CARM1: variants seen among roughly 807,000 people sequenced by gnomAD.
The protein encoded by CARM1 is histone-arginine methyltransferase CARM1.
Under a neutral mutation model 72.7 loss-of-function variants are expected in CARM1, and 14 were observed. The observed-to-expected ratio is 0.19, with a 90% CI of 0.13 to 0.30. CARM1 has a LOEUF of 0.30. CARM1 is among the 10% of genes least tolerant of loss of function. The pLI is 1.00. For synonymous variants in CARM1, 333 were observed against 345.5 expected, an observed-to-expected ratio of 0.96 and a Z score of 0.40; for missense variants, 432 against 833.7, an observed-to-expected ratio of 0.52 and a Z score of 5.93.
Position 10,920,675 on chromosome 19 carries a change from A to G in CARM1, c.1351A>G (p.Ser451Gly). ...IANKRQSYDI[S>G]IVAQVDQTGS... ...TGTCCGCAGACAGAGCTACGACATC[A>G]GTATTGTGGCCCAGGTGGACCAGAC... The change falls in exon 12 of 16, where the codon AGT (serine) becomes GGT (glycine). Residue 451 changes from serine (S) to glycine (G), a missense_variant. Ser to Gly is a moderately conservative substitution (Grantham distance 56). Transcript: ENST00000327064. The surrounding 1 kb of genome is among the most constrained non-coding windows in gnomAD (Gnocchi z 5.3). The G allele has an allele frequency of 6.2e-7, 1 of 1,614,124 alleles. No homozygotes were observed. The highest frequency in any genetic ancestry group is 8.5e-7 in the Non-Finnish European group (1 of 1,180,004).
chr19:10,912,151 A>G lies in CARM1; in HGVS notation c.559-33A>G, dbSNP rs372660262. The G allele has an allele frequency of 4.0e-5, 61 of 1,526,900 alleles. 2 individuals carry two copies. In the Middle Eastern group the frequency reaches 1.4e-3, roughly 34 times the overall value. 94.6% of individuals were successfully genotyped at this position (1,526,900 alleles called of 1,614,324 possible). ...CACCTCCCCATCACCGTCGCCTCCT[A>G]TGTCTCGCTCTCACCTCCCACTCCT... is the stretch of plus-strand genomic sequence containing the variant. On this transcript the variant is annotated intron_variant, in intron 4 of 15. Transcript: ENST00000327064. The surrounding 1 kb of genome is among the most constrained non-coding windows in gnomAD (Gnocchi z 4.5).
rs1480878121 is a variant in CARM1 at position 10,871,582 on chromosome 19, TAGCGGC to T, written c.-114_-109del. The T allele has an allele frequency of 4.0e-4, 35 of 88,376 alleles. No individual in the cohort carries two copies. The highest frequency in any genetic ancestry group is 2.3e-3 in the South Asian group (5 of 2,208). The allele number at this position is 88,376 out of a possible 1,614,324, so 5.5% of individuals were successfully genotyped here. On this transcript the variant is annotated 5_prime_UTR_variant, in exon 1 of 16. Transcript: ENST00000327064. This position sits in a 1 kb window ranked among gnomAD's most constrained non-coding sequence, Gnocchi z 5.6. Reference sequence around the variant, plus strand: ...GCCTGCACGGCGGCTGCGGCGGCGGTAGCGGCAGCGGCGGCGGCGGCGGCGGCGGCG... The same window carrying T: ...GCCTGCACGGCGGCTGCGGCGGCGGTAGCGGCGGCGGCGGCGGCGGCGGCG...
chr19:10,901,649 A>G (rs1045582713), intron 1 of CARM1, among the ~76,000 whole-genome samples: 5 of 151,852 alleles, frequency 3.3e-5, no homozygotes, highest in African/African-American at 4.8e-5. Context: ...TGTTGAGTTA[A>G]AAAAGTTCTT....
At chr19:10,906,079 A>G (rs998555176) in intron 2 of CARM1, among the ~76,000 whole-genome samples, 1 of 144,544 alleles carries the variant, frequency 6.9e-6, no homozygotes, top group Non-Finnish European at 1.5e-5. Flanking sequence ...CCTCCCGCGT[A>G]GCTGGGACTA....
At chr19:10,888,152 A>G (rs2073955197) in intron 1 of CARM1, among the ~76,000 whole-genome samples, 1 of 152,190 alleles carries the variant, frequency 6.6e-6, no homozygotes, top group South Asian at 2.1e-4. Context: ...AGCTCCTGCC[A>G]TGTGTCACAA....
At chr19:10,889,610 T>C (rs943482490) in intron 1 of CARM1, among the ~76,000 whole-genome samples, 15 of 151,736 alleles carry the variant, frequency 9.9e-5, no homozygotes, top group African/African-American at 3.6e-4. Flanking sequence ...ATTACAGGCG[T>C]GAGCTACCAT....
chr19:10,890,443 T>G (rs2073975187), intron 1 of CARM1, among the ~76,000 whole-genome samples: 1 of 151,586 alleles, frequency 6.6e-6, no homozygotes, highest in Admixed American at 6.6e-5. Context: ...AATTTTTGTA[T>G]TTTTAGTAGA....
At chr19:10,904,909 G>C (rs756635319) in intron 1 of CARM1, 42 bp from the exon 2 acceptor site, 1 of 1,598,632 alleles carries the variant, frequency 6.3e-7, no homozygotes, top group East Asian at 2.3e-5. Flanking sequence ...GAAGGCAGCT[G>C]ACAGGGCTGC....
At chr19:10,881,072 G>A (rs956051295) in intron 1 of CARM1, among the ~76,000 whole-genome samples, 5 of 152,140 alleles carry the variant, frequency 3.3e-5, no homozygotes, top group African/African-American at 7.2e-5. Flanking sequence ...AGGCTGAGGC[G>A]GGAGGATTGC....
At position 10,920,821 on chromosome 19, in the gene CARM1, G is replaced by A. The variant is rs1312280124; in HGVS notation, c.1425-13G>A. ...CCCCCTTGCCCCTGCCCATGGCTCTGTCTCTGCCATAGATACACGGGCACA... is the reference window on the plus strand; with the variant it reads ...CCCCCTTGCCCCTGCCCATGGCTCTATCTCTGCCATAGATACACGGGCACA... On this transcript the variant is annotated splice_polypyrimidine_tract_variant and intron_variant, in intron 12 of 15. Transcript: ENST00000327064. This position sits in a 1 kb window ranked among gnomAD's most constrained non-coding sequence, Gnocchi z 5.3. 1 of 1,614,066 alleles carries A rather than the reference G, an allele frequency of 6.2e-7. No individual in the cohort carries two copies. Among genetic ancestry groups the A allele is most frequent in the East Asian group, 2.2e-5 (1 of 44,884 alleles).
chr19:10,910,117 G>A (rs1204796108), intron 4 of CARM1, among the ~76,000 whole-genome samples: 1 of 152,052 alleles, frequency 6.6e-6, no homozygotes, highest in African/African-American at 2.4e-5. Flanking sequence ...TAAGCTTTTT[G>A]ATATCACCAA....
chr19:10,890,774 C>CATATATAT (rs1396281380), intron 1 of CARM1, among the ~76,000 whole-genome samples: 2 of 63,614 alleles, frequency 3.1e-5, no homozygotes, highest in African/African-American at 1.4e-4. Context: ...TACACACACA[C>CATATATAT]ATATATATAT....
intron 1 of CARM1, among the ~76,000 whole-genome samples, chr19:10,875,022 T>C (rs1197059623): frequency 2.0e-5 from 3 of 146,436 alleles, no homozygotes; most frequent in Non-Finnish European, 4.5e-5. Flanking sequence ...AGACCCTGTC[T>C]GAAAAAAAAA....
intron 4 of CARM1, 69 bp downstream of exon 4, chr19:10,909,276 T>A: frequency 1.0e-6 from 1 of 969,606 alleles, no homozygotes; most frequent in Non-Finnish European, 1.6e-6. Context: ...GCTCATTGAT[T>A]TTATCTTTAA....
intron 1 of CARM1, among the ~76,000 whole-genome samples, chr19:10,884,556 C>A (rs190188499): frequency 6.6e-6 from 1 of 151,936 alleles, no homozygotes; most frequent in Admixed American, 6.6e-5. Context: ...AGTTGCCCCC[C>A]CTCCCCCTGT....
At chr19:10,872,012 CG>C (rs2073822626) in intron 1 of CARM1, 90 bp downstream of exon 1, 2 of 1,066,072 alleles carry the variant, frequency 1.9e-6, no homozygotes, top group African/African-American at 1.7e-5. Flanking sequence ...GCCCTGAGCG[CG>C]GGGGCCTGGC....
chr19:10,909,252 T>A (rs772539357), intron 4 of CARM1, 45 bp downstream of exon 4: 1 of 1,159,508 alleles, frequency 8.6e-7, no homozygotes, highest in South Asian at 1.4e-5. Context: ...TCTGTCTCGG[T>A]TTTTTTTTTC....
chr19:10,880,255 G>A lies in CARM1; in HGVS notation c.220+8333G>A, dbSNP rs765967254. On this transcript the variant is annotated intron_variant, in intron 1 of 15. Transcript: ENST00000327064. ...GCCACTTAAGCGAGGGCAGGATGGA[G>A]GGGCCCACCTGGGCCACACCTGGCT... 2.8e-4 allele frequency among the ~76,000 whole-genome samples: 42 copies of A among 152,220 alleles called. 1 individual carries two copies. Among genetic ancestry groups the A allele is most frequent in the Non-Finnish European group, 2.4e-4 (16 of 68,038 alleles).
At chr19:10,872,251 T>G (rs2073824583) in intron 1 of CARM1, among the ~76,000 whole-genome samples, 2 of 63,020 alleles carry the variant, frequency 3.2e-5, no homozygotes, top group African/African-American at 6.4e-5. Context: ...ACGCCAGGCG[T>G]GGTGGGCTTA....
Sources: allele counts gnomAD v4.1 joint callset (sites outside exome capture counted in the v4.1 genomes callset), GRCh38; gene constraint gnomAD v4.1.1; non-coding constraint Gnocchi (gnomAD v3.1); transcripts MANE v1.5; gene names NCBI Gene and HGNC (gene_info 2026-07-23, HGNC 2026-07-21).